Variants in LONRF1 observed in about 807,000 individuals in gnomAD.
LONRF1 encodes the protein LON peptidase N-terminal domain and RING finger protein 1.
In LONRF1, 37 loss-of-function variants were observed where a neutral mutation model predicts 85.8. The observed-to-expected ratio is 0.43, with a 90% CI of 0.33 to 0.57. The LOEUF is 0.57. Among genes scored for constraint, LONRF1 ranks in the 20% least tolerant of loss-of-function variants. LONRF1 has a pLI of 0.04. For synonymous variants in LONRF1, 517 were observed against 390.1 expected (o/e 1.33, Z -3.83); for missense variants, 1,036 against 978.0 (o/e 1.06, Z -0.79).
At chr8:12,740,756 T>G (rs1798900941) in intron 3 of LONRF1, 118 bp downstream of exon 3, 1 of 1,265,326 alleles carries the variant, frequency 7.9e-7, no homozygotes, top group South Asian at 1.5e-5. Context: ...TCACATTTGT[T>G]CCTAAGTTAG....
rs376576528 is a variant in LONRF1, at chr8:12,723,050, A to G, written c.*46T>C. The G allele has an allele frequency of 2.9e-5, 44 of 1,499,624 alleles. No homozygotes were observed. The highest frequency in any genetic ancestry group is 2.9e-4 in the African/African-American group (21 of 71,860). The allele number at this position is 1,499,624 out of a possible 1,614,324, so 92.9% of individuals were successfully genotyped here. ...AAGGCAGCAGACAATCTGGCCATCA[A>G]TGCAGCCAGATTAGGGTCACTTTAA... On this transcript the variant is annotated 3_prime_UTR_variant, in exon 12 of 12. Transcript: ENST00000398246.
At chr8:12,747,041 C>T (rs1031969074) in intron 1 of LONRF1, among the ~76,000 whole-genome samples, 28 of 152,154 alleles carry the variant, frequency 1.8e-4, no homozygotes, top group Non-Finnish European at 3.7e-4. Flanking sequence ...CCGTTATTTC[C>T]TGCCTTTTAT....
At chr8:12,753,924 T>C (rs1453346054) in intron 1 of LONRF1, 2 of 152,252 alleles carry the variant, frequency 1.3e-5, no homozygotes, top group African/African-American at 4.8e-5. Flanking sequence ...ATAAGCTAGG[T>C]GCACTGCAAA....
At chr8:12,736,557 T>A in intron 6 of LONRF1, 144 bp downstream of exon 6, 2 of 599,944 alleles carry the variant, frequency 3.3e-6, no homozygotes, top group Non-Finnish European at 5.6e-6. Context: ...GCATGAAAGG[T>A]AAACCCAGGA....
Position 12,740,956 on chromosome 8 carries a change from A to G in LONRF1, c.881T>C (p.Phe294Ser). Reference protein sequence around the residue: ...RKGKVLCDAGFLGDALQLFLQ... With the variant: ...RKGKVLCDAGSLGDALQLFLQ... Reference sequence around the variant, plus strand: ...AAAGAGTTGTAAGGCATCACCTAAAAAACCAGCATCGCAGAGTACTTTTCC... The same window carrying G: ...AAAGAGTTGTAAGGCATCACCTAAAGAACCAGCATCGCAGAGTACTTTTCC... The change falls in exon 3 of 12, where the codon TTT becomes TCT. Residue 294 changes from phenylalanine (F) to serine (S), a missense_variant. By Grantham distance (155) the Phe-to-Ser change is radical. Transcript: ENST00000398246. The G allele has an allele frequency of 6.2e-7, 1 of 1,613,680 alleles. No individual in the cohort carries two copies. Among genetic ancestry groups the G allele is most frequent in the Non-Finnish European group, 8.5e-7 (1 of 1,179,660 alleles).
chr8:12,738,137 C>T lies in LONRF1; in HGVS notation c.971G>A (p.Cys324Tyr). The T allele has an allele frequency of 6.5e-7, 1 of 1,543,702 alleles. No individual in the cohort carries two copies. Among genetic ancestry groups the T allele is most frequent in the African/African-American group, 1.4e-5 (1 of 72,280 alleles). ...PAKLQVQKIL[C>Y]DLLLPENLKE... The stretch of plus-strand genomic sequence containing the variant: ...TAAGTTTTCAGGTAATAATAAATCA[C>T]ATAAAATCTGTAAGAGAAATATTAA... The change falls in exon 4 of 12, where the codon TGT becomes TAT. Residue 324 changes from cysteine to tyrosine, a missense_variant. Coordinates refer to ENST00000398246, the MANE Select transcript of LONRF1 (RefSeq NM_152271.5).
chr8:12,743,348 GATC>G, intron 1 of LONRF1, 66 bp from the exon 2 acceptor site: 1 of 961,870 alleles, frequency 1.0e-6, no homozygotes, highest in Non-Finnish European at 1.6e-6. Flanking sequence ...TACAAAATAT[GATC>G]ATACCAGATT....
Position 12,743,757 on chromosome 8 carries a change from T to C in LONRF1, c.722-475A>G, listed in dbSNP as rs141163276. Reference sequence around the variant, plus strand: ...ACAAGGGACTGATAAAGGCTCAATCTTATGAGCATACACAGTAGTCTTGAT... The same window carrying C: ...ACAAGGGACTGATAAAGGCTCAATCCTATGAGCATACACAGTAGTCTTGAT... On this transcript the variant is annotated intron_variant, in intron 1 of 11. Coordinates refer to ENST00000398246, the MANE Select transcript of LONRF1 (RefSeq NM_152271.5). Among the ~76,000 whole-genome samples, 995 of 152,288 alleles carry C rather than the reference T, an allele frequency of 6.5e-3. 6 individuals are homozygous for C. Among genetic ancestry groups the C allele is most frequent in the Non-Finnish European group, 0.01 (683 of 68,002 alleles).
At chr8:12,734,777 T>G (rs1477368408) in intron 7 of LONRF1, among the ~76,000 whole-genome samples, 1 of 152,170 alleles carries the variant, frequency 6.6e-6, no homozygotes, top group Non-Finnish European at 1.5e-5. Context: ...TAAATATAGT[T>G]CCTCAGTGAC....
intron 7 of LONRF1, 141 bp from the exon 8 acceptor site, chr8:12,731,998 A>C (rs1485231638): frequency 1.2e-6 from 1 of 805,020 alleles, no homozygotes. Flanking sequence ...GAACATTACA[A>C]TGGATGATGC....
At chr8:12,741,311 G>C (rs1798926331) in intron 2 of LONRF1, among the ~76,000 whole-genome samples, 1 of 152,194 alleles carries the variant, frequency 6.6e-6, no homozygotes, top group Non-Finnish European at 1.5e-5. Flanking sequence ...TTGAATATGG[G>C]AGGTGGAGGT....
chr8:12,754,781 C>A lies in LONRF1; in HGVS notation c.640G>T (p.Ala214Ser). 6.7e-7 allele frequency: 1 copy of A among 1,482,566 alleles called. No individual in the cohort carries two copies. The highest frequency in any genetic ancestry group is 8.9e-7 in the Non-Finnish European group (1 of 1,123,874). The allele number at this position is 1,482,566 out of a possible 1,614,324, so 91.8% of individuals were successfully genotyped here. The change falls in exon 1 of 12, where the codon GCG becomes TCG. Residue 214 changes from alanine to serine, a missense_variant. By Grantham distance (99) the Ala-to-Ser change is moderately conservative. Transcript: ENST00000398246. ...AGTAGCTCCCCGAGCCTGCCGGCCG[C>A]CCGGGCCCGCTCGCGCTGGCCCGGA... Reference protein sequence around the residue: ...WFPGQRERARAAGRLGELLHQ... With the variant: ...WFPGQRERARSAGRLGELLHQ...
At chr8:12,746,413 G>C (rs1276527198) in intron 1 of LONRF1, among the ~76,000 whole-genome samples, 1 of 152,076 alleles carries the variant, frequency 6.6e-6, no homozygotes, top group Non-Finnish European at 1.5e-5. Flanking sequence ...CCTGTGCTGA[G>C]CTCCTCCCTT....
chr8:12,733,580 T>A (rs1447721293), intron 7 of LONRF1, among the ~76,000 whole-genome samples: 1 of 152,172 alleles, frequency 6.6e-6, no homozygotes, highest in African/African-American at 2.4e-5. Context: ...TGTCCTTCAG[T>A]GACAGATATA....
At position 12,742,535 on chromosome 8, in the gene LONRF1, C is replaced by G. The variant is rs1162201519; in HGVS notation, c.840+629G>C. On this transcript the variant is annotated intron_variant, in intron 2 of 11. Transcript: ENST00000398246. Reference sequence around the variant, plus strand: ...AAGTTTCCAACTTTAAGAACCTATTCTCTTTCCATTAATAAATCTCATTCA... The same window carrying G: ...AAGTTTCCAACTTTAAGAACCTATTGTCTTTCCATTAATAAATCTCATTCA... Among the ~76,000 whole-genome samples the G allele has an allele frequency of 2.0e-5, 3 of 152,306 alleles. No individual in the cohort carries two copies. In the South Asian group the frequency reaches 6.2e-4, roughly 32 times the overall value.
chr8:12,723,503 C>T (rs549524772), intron 11 of LONRF1, among the ~76,000 whole-genome samples: 2 of 152,228 alleles, frequency 1.3e-5, no homozygotes, highest in African/African-American at 2.4e-5. Context: ...TGACTCCCCA[C>T]AGTCAACACA....
chr8:12,751,308 T>TTTGTTTTTTTTTTTG (rs1293814029), intron 1 of LONRF1, among the ~76,000 whole-genome samples: 7 of 134,634 alleles, frequency 5.2e-5, no homozygotes, highest in African/African-American at 8.3e-5. Flanking sequence ...TTTTTTTTTT[T>TTTGTTTTTTTTTTTG]TTTTTTTTTT....
Position 12,736,764 on chromosome 8 carries a change from G to T in LONRF1, c.1388C>A (p.Ala463Asp). 6.2e-7 allele frequency: 1 copy of T among 1,611,510 alleles called. No homozygotes were observed. The highest frequency in any genetic ancestry group is 8.5e-7 in the Non-Finnish European group (1 of 1,178,898). ...TAATTCTTCTGGAATATCACCATAA[G>T]CTAAGGAAAACATACAGACTTCATT... Reference protein sequence around the residue: ...TPNEVCMFSLAYGDIPEELID... With the variant: ...TPNEVCMFSLDYGDIPEELID... Residue 463 changes from alanine (A) to aspartate (D), a missense_variant, in exon 6 of 12, where the codon GCT becomes GAT. By Grantham distance (126) the Ala-to-Asp change is moderately radical (BLOSUM62 -2). Transcript: ENST00000398246.
intron 11 of LONRF1, among the ~76,000 whole-genome samples, chr8:12,724,666 G>A (rs2117214837): frequency 6.6e-6 from 1 of 152,242 alleles, no homozygotes; most frequent in Middle Eastern, 3.4e-3. Context: ...TGAAGGTGAT[G>A]GAAAAGTTAT....
Sources: allele counts gnomAD v4.1 joint callset (sites outside exome capture counted in the v4.1 genomes callset), GRCh38; gene constraint gnomAD v4.1.1; transcripts MANE v1.5; gene names NCBI Gene and HGNC (gene_info 2026-07-23, HGNC 2026-07-21).